CHD8: variants seen among roughly 807,000 people sequenced by gnomAD.
CHD8 encodes the protein chromodomain helicase DNA binding protein 8.
CHD8 carries 31 observed loss-of-function variants against 279.2 expected under a neutral mutation model. The ratio of observed to expected loss-of-function variants is 0.11; its 90% CI spans 0.08 to 0.15. The LOEUF (loss-of-function observed/expected upper bound fraction) is 0.15, where lower values mean the gene tolerates loss of function less well. Ranked by LOEUF, CHD8 falls within the 10% of genes least tolerant of loss-of-function variation. The pLI, the probability that CHD8 is intolerant of heterozygous loss-of-function variation, is 1.00. For missense variants in CHD8, 2,146 were observed against 3,230.5 expected, an observed-to-expected ratio of 0.66 and a Z score of 8.14; for synonymous variants, 1,081 against 1,139.6, an observed-to-expected ratio of 0.95 and a Z score of 1.04.
At chr14:21,398,237 T>G in intron 26 of CHD8, 1 of 162,282 alleles carries the variant, frequency 6.2e-6, no homozygotes, top group Non-Finnish European at 1.3e-5. Flanking sequence ...TTATTTATTT[T>G]TATTTATTTA....
rs1887692800 is a variant in CHD8, at chr14:21,394,604, G to GAAA, written c.5391-120_5391-119insTTT. On this transcript the variant is annotated intron_variant, in intron 30 of 37. Transcript: ENST00000646647. ...GAAAACACAAAAATTGAAAGTAGAC[G>GAAA]CAAAAAAAAAAAAAAAAAAAGGCCC... 1.3e-4 allele frequency: 4 copies of GAAA among 29,698 alleles called. No individual in the cohort carries two copies. The South Asian group carries it at 3.4e-3, about 25-fold the overall frequency. 1.8% of individuals were successfully genotyped at this position (29,698 alleles called of 1,614,324 possible). A position where few individuals can be genotyped will look rare whatever the true frequency, so the allele number is the denominator to read the frequency against.
intron 1 of CHD8, among the ~76,000 whole-genome samples, chr14:21,440,960 C>A (rs1303182530): frequency 1.3e-5 from 2 of 152,040 alleles, no homozygotes; most frequent in Non-Finnish European, 1.5e-5. Context: ...AACCAAAAGG[C>A]CCCTTCCTAT....
intron 1 of CHD8, chr14:21,436,921 G>A (rs1006520315): frequency 3.1e-6 from 4 of 1,287,102 alleles, no homozygotes; most frequent in Non-Finnish European, 4.1e-6. Flanking sequence ...TGCCGGGGTT[G>A]GTGCCAGTAA....
chr14:21,440,370 C>A (rs1037471998), intron 1 of CHD8, among the ~76,000 whole-genome samples: 4 of 152,072 alleles, frequency 2.6e-5, no homozygotes, highest in African/African-American at 9.7e-5. Flanking sequence ...CCATGCCCGG[C>A]TAATTTTTGT....
intron 1 of CHD8, among the ~76,000 whole-genome samples, chr14:21,444,009 A>G (rs1186190545): frequency 6.6e-6 from 1 of 152,138 alleles, no homozygotes; most frequent in African/African-American, 2.4e-5. Flanking sequence ...CTTTTAGGAT[A>G]ATTATCTTTT....
chr14:21,452,514 A>C (rs1465641828), intron 1 of CHD8, among the ~76,000 whole-genome samples: 1 of 151,430 alleles, frequency 6.6e-6, no homozygotes, highest in African/African-American at 2.4e-5. Context: ...GCGTGGTGGC[A>C]CACGCCTTAA....
At position 21,426,098 on chromosome 14, in the gene CHD8, T is replaced by C. The variant is rs189405951; in HGVS notation, c.1716+30A>G. On this transcript the variant is annotated intron_variant, in intron 5 of 37. Coordinates refer to ENST00000646647, the MANE Select transcript of CHD8 (RefSeq NM_001170629.2). ...GTTAGCCATAATTAAACATGGTTTT[T>C]TCTACTAAATTCTTTTGGGATCCTT... The C allele has an allele frequency of 5.0e-5, 66 of 1,308,540 alleles. No homozygotes were observed. In the East Asian group the frequency reaches 1.4e-3, roughly 27 times the overall value. The allele number at this position is 1,308,540 out of a possible 1,614,324, so 81.1% of individuals were successfully genotyped here. A position where few individuals can be genotyped will look rare whatever the true frequency, so the allele number is the denominator to read the frequency against.
chr14:21,454,462 C>T (rs2139580048), intron 1 of CHD8, among the ~76,000 whole-genome samples: 1 of 152,284 alleles, frequency 6.6e-6, no homozygotes, highest in Non-Finnish European at 1.5e-5. Context: ...GGACTACAGG[C>T]ACGCGTCACC....
chr14:21,416,171 C>CTGG (rs1566434174), intron 5 of CHD8: 1 of 336,406 alleles, frequency 3.0e-6, no homozygotes, highest in East Asian at 4.9e-5. Flanking sequence ...TCTGGGAAAT[C>CTGG]AAAACTGGAT....
At chr14:21,437,328 C>A in intron 1 of CHD8, 1 of 1,053,182 alleles carries the variant, frequency 9.5e-7, no homozygotes, top group Non-Finnish European at 1.2e-6. Context: ...TGCCACTCAC[C>A]AAAGGCGAAA....
chr14:21,386,326 T>C (rs1201512595), intron 37 of CHD8, 150 bp from the exon 38 acceptor site: 2 of 675,246 alleles, frequency 3.0e-6, no homozygotes, highest in African/African-American at 3.6e-5. Flanking sequence ...GCTTGATTGG[T>C]GGTAATGGGA....
Position 21,414,871 on chromosome 14 carries a change from T to C in CHD8, c.2024+67A>G, listed in dbSNP as rs182110334. 3.3e-4 allele frequency: 390 copies of C among 1,188,926 alleles called. 2 individuals carry two copies. The East Asian group carries it at 8.6e-3, about 26-fold the overall frequency. The allele number at this position is 1,188,926 out of a possible 1,614,324, so 73.6% of individuals were successfully genotyped here. A position where few individuals can be genotyped will look rare whatever the true frequency, so the allele number is the denominator to read the frequency against. The stretch of plus-strand genomic sequence containing the variant: ...AAAAGGGACACATTCCCACCCAGGA[T>C]ACCCAGGAGAACTTTTTACCACCCT... On this transcript the variant is annotated intron_variant, in intron 8 of 37. Transcript: ENST00000646647.
At position 21,419,928 on chromosome 14, in the gene CHD8, C is replaced by G. The variant is rs78598278; in HGVS notation, c.1717-4021G>C. ...TGGCCCAGAAGGTAAGTAGTCGGGC[C>G]GTGAGGAATCACAATTTGAGATGGA... On this transcript the variant is annotated intron_variant, in intron 5 of 37. Transcript: ENST00000646647. 403 of 232,588 alleles carry G rather than the reference C, an allele frequency of 1.7e-3. 3 individuals are homozygous for G. The highest frequency in any genetic ancestry group is 9.0e-3 in the African/African-American group (380 of 42,156). 14.4% of individuals were successfully genotyped at this position (232,588 alleles called of 1,614,324 possible).
chr14:21,445,688 CAAAAAAAAAA>C (rs747923350), intron 1 of CHD8, among the ~76,000 whole-genome samples: 1 of 17,256 alleles, frequency 5.8e-5, no homozygotes, highest in Admixed American at 8.1e-4. Context: ...GATTCGGTCT[CAAAAAAAAAA>C]AAAAAAAAAA....
In CHD8 at chr14:21,401,000, G is replaced by A; in HGVS notation, c.4245C>T (p.Asp1415=). 2 of 1,613,948 alleles carry A rather than the reference G, an allele frequency of 1.2e-6. No individual in the cohort carries two copies. Among genetic ancestry groups the A allele is most frequent in the South Asian group, 1.1e-5 (1 of 91,082 alleles). ...TTTCCAAATCAGAGAATTCCACCAGGTCATCATCTTTCAGAGTGCTAAAGT... is the reference window on the plus strand; with the variant it reads ...TTTCCAAATCAGAGAATTCCACCAGATCATCATCTTTCAGAGTGCTAAAGT... ...TRHFSTLKDD[D]LVEFSDLESE... The change falls in exon 22 of 38, where the codon GAC becomes GAT. Residue 1415 remains aspartate (D), a synonymous_variant. Transcript: ENST00000646647. The surrounding 1 kb of genome is among the most constrained non-coding windows in gnomAD (Gnocchi z 4.2).
rs954180795 is a variant in CHD8, at chr14:21,405,937, A to C, written c.2908-73T>G. The C allele has an allele frequency of 1.2e-5, 14 of 1,143,516 alleles. No homozygotes were observed. The highest frequency in any genetic ancestry group is 2.6e-5 in the Admixed American group (1 of 38,494). 70.8% of individuals were successfully genotyped at this position (1,143,516 alleles called of 1,614,324 possible). A position where few individuals can be genotyped will look rare whatever the true frequency, so the allele number is the denominator to read the frequency against. On this transcript the variant is annotated intron_variant, in intron 14 of 37. Transcript: ENST00000646647. This position sits in a 1 kb window ranked among gnomAD's most constrained non-coding sequence, Gnocchi z 4.2. ...TTCTGGGGTTTCCTATCAAGTATAT[A>C]ATCTTTAACATATATAACCTTTAAT... is the stretch of plus-strand genomic sequence containing the variant.
chr14:21,418,194 A>G (rs1888830206), intron 5 of CHD8, among the ~76,000 whole-genome samples: 2 of 152,274 alleles, frequency 1.3e-5, no homozygotes, highest in South Asian at 2.1e-4. Context: ...GAAAGAAGTG[A>G]GACCCAAAAG....
intron 1 of CHD8, among the ~76,000 whole-genome samples, chr14:21,448,983 G>C (rs112911903): frequency 6.6e-6 from 1 of 151,658 alleles, no homozygotes; most frequent in Non-Finnish European, 1.5e-5. Context: ...GACCATCCTG[G>C]CTAACAAGGT....
intron 1 of CHD8, among the ~76,000 whole-genome samples, chr14:21,454,167 G>GAAAAGAAAAGAAAAGAA (rs1890325530): frequency 1.7e-5 from 1 of 58,376 alleles, no homozygotes; most frequent in Non-Finnish European, 3.2e-5. Flanking sequence ...CAAAAAAAAA[G>GAAAAGAAAAGAAAAGAA]AAAAGAAAAG....
Sources: allele counts gnomAD v4.1 joint callset (sites outside exome capture counted in the v4.1 genomes callset), GRCh38; gene constraint gnomAD v4.1.1; non-coding constraint Gnocchi (gnomAD v3.1); transcripts MANE v1.5; gene names NCBI Gene and HGNC (gene_info 2026-07-23, HGNC 2026-07-21).